Variants in ASPH observed in about 807,000 individuals in gnomAD.
ASPH encodes aspartate beta-hydroxylase.
In ASPH, 100 loss-of-function variants were observed where a neutral mutation model predicts 118.4. The observed-to-expected ratio is 0.84, with a 90% CI of 0.72 to 1.00. The LOEUF (loss-of-function observed/expected upper bound fraction) is 1.00. ASPH is among the 50% of genes least tolerant of loss of function. The probability of loss-of-function intolerance (pLI) is 0.00; values close to 1 mark genes in which losing one functional copy is unlikely to be tolerated. For synonymous variants in ASPH, 315 were observed against 325.6 expected (o/e 0.97, Z 0.35); for missense variants, 920 against 919.5 (o/e 1.00, Z -0.01).
chr8:61,579,040 G>A (rs375926738), intron 15 of ASPH: 12 of 1,610,846 alleles, frequency 7.4e-6, no homozygotes, highest in East Asian at 6.7e-5. Context: ...GCCAACCAAA[G>A]ACGGGCTGAG....
chr8:61,522,022 A>T (rs1255705112), intron 22 of ASPH, among the ~76,000 whole-genome samples: 2 of 152,120 alleles, frequency 1.3e-5, no homozygotes, highest in Non-Finnish European at 2.9e-5. Context: ...CACCTTTCCC[A>T]TGGGCTCTGG....
chr8:61,567,634 T>G (rs908938532), intron 16 of ASPH, among the ~76,000 whole-genome samples: 9 of 152,196 alleles, frequency 5.9e-5, no homozygotes, highest in African/African-American at 2.2e-4. Flanking sequence ...CCAGCCCAAG[T>G]TCCCGTTCTT....
intron 15 of ASPH, chr8:61,579,403 T>C (rs1587559482): frequency 6.2e-7 from 1 of 1,613,670 alleles, no homozygotes; most frequent in East Asian, 2.2e-5. Flanking sequence ...AGGAAGCTGC[T>C]GGAGGGCAAA....
intron 1 of ASPH, among the ~76,000 whole-genome samples, chr8:61,703,020 T>C (rs1027412404): frequency 6.6e-5 from 10 of 152,030 alleles, no homozygotes; most frequent in Non-Finnish European, 1.0e-4. Flanking sequence ...AGACGCAAAA[T>C]TGCTGACAAA....
Position 61,577,074 on chromosome 8 carries a change from G to C in ASPH, c.1063-216C>G, listed in dbSNP as rs952662782. Among the ~76,000 whole-genome samples the C allele has an allele frequency of 6.6e-5, 10 of 151,870 alleles. 1 individual carries two copies. The highest frequency in any genetic ancestry group is 2.2e-4 in the African/African-American group (9 of 41,318). ...TTACTTCATTTTTAAAAAGACAGAA[G>C]GACAGAAAACCAAACATCGCATGTT... On this transcript the variant is annotated intron_variant, in intron 15 of 24. Transcript: ENST00000379454.
At chr8:61,557,148 G>A (rs1246221983) in intron 18 of ASPH, among the ~76,000 whole-genome samples, 1 of 152,122 alleles carries the variant, frequency 6.6e-6, no homozygotes, top group Non-Finnish European at 1.5e-5. Flanking sequence ...CCTCACTGCA[G>A]ATCCTCTGCA....
chr8:61,579,393 A>T, intron 15 of ASPH: 2 of 1,613,902 alleles, frequency 1.2e-6, no homozygotes, highest in South Asian at 1.1e-5. Context: ...CGCCACCTAC[A>T]GGAAGCTGCT....
chr8:61,692,971 A>G (rs1429025851), intron 1 of ASPH, among the ~76,000 whole-genome samples: 2 of 151,312 alleles, frequency 1.3e-5, no homozygotes, highest in Non-Finnish European at 2.9e-5. Context: ...AAAAAAAGAA[A>G]ACGATGACAT....
chr8:61,524,730 T>C (rs558987257), intron 22 of ASPH, among the ~76,000 whole-genome samples: 1 of 151,936 alleles, frequency 6.6e-6, no homozygotes, highest in Non-Finnish European at 1.5e-5. Flanking sequence ...TATAATACTT[T>C]GCATATTAAT....
At chr8:61,604,695 T>A (rs1049563996) in intron 14 of ASPH, among the ~76,000 whole-genome samples, 2 of 152,222 alleles carry the variant, frequency 1.3e-5, no homozygotes, top group African/African-American at 4.8e-5. Context: ...TTTTGGTTGT[T>A]AACAGATGAC....
At chr8:61,686,577 A>G (rs942687165) in intron 1 of ASPH, among the ~76,000 whole-genome samples, 13 of 152,326 alleles carry the variant, frequency 8.5e-5, no homozygotes, top group South Asian at 4.1e-4. Flanking sequence ...CCAAAAAAGA[A>G]CGCTTATTTC....
In ASPH at chr8:61,636,571, G is replaced by A. The variant is rs192867271; in HGVS notation, c.889+1376C>T. 3.3e-5 allele frequency among the ~76,000 whole-genome samples: 5 copies of A among 152,328 alleles called. No individual in the cohort carries two copies. The East Asian group carries it at 7.7e-4, about 23-fold the overall frequency. The stretch of plus-strand genomic sequence containing the variant: ...CTGCAGGATGGGTGGCAGGTGCATA[G>A]CCAGGTGCCTCACTGCCCAGGACAG... On this transcript the variant is annotated intron_variant, in intron 12 of 24. Coordinates refer to ENST00000379454, the MANE Select transcript of ASPH (RefSeq NM_004318.4).
intron 1 of ASPH, among the ~76,000 whole-genome samples, chr8:61,693,334 G>A (rs141978160): frequency 1.3e-5 from 2 of 152,190 alleles, no homozygotes; most frequent in East Asian, 1.9e-4. Flanking sequence ...TGACACAAGC[G>A]GCCATCCTAA....
rs879421706 is a variant in ASPH, at chr8:61,526,231, A to AT, written c.1765-120dup. 59 of 1,310,906 alleles carry AT rather than the reference A, an allele frequency of 4.5e-5. No homozygotes were observed. The African/African-American group carries it at 6.2e-4, about 14-fold the overall frequency. 81.2% of individuals were successfully genotyped at this position (1,310,906 alleles called of 1,614,324 possible). On this transcript the variant is annotated intron_variant, in intron 21 of 24. Coordinates refer to ENST00000379454, the MANE Select transcript of ASPH (RefSeq NM_004318.4). ...GGAACTAATTCTTTGCCTTATCTAG[A>AT]TTGCTTATATTTCAATTTCCTCTGG... is the stretch of plus-strand genomic sequence containing the variant.
intron 21 of ASPH, among the ~76,000 whole-genome samples, chr8:61,528,068 T>A (rs1472120575): frequency 6.6e-6 from 1 of 152,182 alleles, no homozygotes; most frequent in Non-Finnish European, 1.5e-5. Flanking sequence ...TTTGACCACA[T>A]CTACACCTGC....
chr8:61,542,700 TC>T (rs1213700756), intron 21 of ASPH, among the ~76,000 whole-genome samples: 3 of 152,346 alleles, frequency 2.0e-5, no homozygotes, highest in African/African-American at 7.2e-5. Context: ...TCTTTTTTTT[TC>T]TTCATGTGGA....
chr8:61,636,511 G>C (rs1195719270), intron 12 of ASPH, among the ~76,000 whole-genome samples: 5 of 152,096 alleles, frequency 3.3e-5, no homozygotes, highest in African/African-American at 4.8e-5. Context: ...TCCCCTCACT[G>C]TCCACTCAGG....
intron 1 of ASPH, among the ~76,000 whole-genome samples, chr8:61,705,021 T>C (rs1196293091): frequency 6.6e-6 from 1 of 152,206 alleles, no homozygotes; most frequent in African/African-American, 2.4e-5. Flanking sequence ...ATAATATTCA[T>C]AGAATTTTAT....
chr8:61,526,961 G>C (rs1250398585), intron 21 of ASPH, among the ~76,000 whole-genome samples: 1 of 152,214 alleles, frequency 6.6e-6, no homozygotes, highest in Non-Finnish European at 1.5e-5. Flanking sequence ...TCAGGACAGA[G>C]ACAAAGCTGT....
Sources: allele counts gnomAD v4.1 joint callset (sites outside exome capture counted in the v4.1 genomes callset), GRCh38; gene constraint gnomAD v4.1.1; transcripts MANE v1.5; gene names NCBI Gene and HGNC (gene_info 2026-07-23, HGNC 2026-07-21).